Variants in FER1L6 observed in about 807,000 individuals in gnomAD.
The protein encoded by FER1L6 is fer-1-like protein 6.
In FER1L6, 177 loss-of-function variants were observed where a neutral mutation model predicts 219.2. The ratio of observed to expected loss-of-function variants is 0.81; its 90% CI spans 0.71 to 0.91. The LOEUF (loss-of-function observed/expected upper bound fraction) is 0.91, where lower values mean the gene tolerates loss of function less well. FER1L6 is among the 40% of genes least tolerant of loss of function. FER1L6 has a pLI of 0.00. For missense variants in FER1L6, 2,153 were observed against 2,259.9 expected, an observed-to-expected ratio of 0.95 and a Z score of 0.96; for synonymous variants, 768 against 824.3, an observed-to-expected ratio of 0.93 and a Z score of 1.17.
At chr8:123,892,500 C>T (rs1202473325) in intron 1 of FER1L6, among the ~76,000 whole-genome samples, 1 of 152,124 alleles carries the variant, frequency 6.6e-6, no homozygotes, top group Non-Finnish European at 1.5e-5. Flanking sequence ...ACTGCATTGG[C>T]CAGGCTGGTT....
chr8:124,101,419 A>G lies in FER1L6; in HGVS notation c.5125+81A>G. On this transcript the variant is annotated intron_variant, in intron 38 of 40. Coordinates refer to ENST00000522917, the MANE Select transcript of FER1L6 (RefSeq NM_001039112.2). ...TTGGAGAGCTTGGTCTGATTTAGTT[A>G]CAAGACTAATAATTTCAGCACTATC... 4.6e-6 allele frequency: 6 copies of G among 1,316,356 alleles called. No individual in the cohort carries two copies. The South Asian group carries it at 8.3e-5, about 18-fold the overall frequency. 81.5% of individuals were successfully genotyped at this position (1,316,356 alleles called of 1,614,324 possible).
At chr8:123,901,937 G>T (rs1377403053) in intron 1 of FER1L6, among the ~76,000 whole-genome samples, 2 of 151,922 alleles carry the variant, frequency 1.3e-5, no homozygotes, top group Admixed American at 6.6e-5. Flanking sequence ...AGCCAGGAGG[G>T]TCTCAATCTC....
At chr8:123,947,995 C>T (rs1361769064) in intron 1 of FER1L6, among the ~76,000 whole-genome samples, 1 of 152,146 alleles carries the variant, frequency 6.6e-6, no homozygotes, top group Admixed American at 6.6e-5. Flanking sequence ...GGCTGGAGTA[C>T]ATGGTTTGAG....
intron 1 of FER1L6, among the ~76,000 whole-genome samples, chr8:123,863,767 T>C (rs1391319725): frequency 6.7e-6 from 1 of 148,732 alleles, no homozygotes; most frequent in Non-Finnish European, 1.5e-5. Context: ...TCTTTGTTGG[T>C]TTAAAGTCTG....
intron 1 of FER1L6, among the ~76,000 whole-genome samples, chr8:123,932,908 A>G (rs561186479): frequency 3.3e-5 from 5 of 152,332 alleles, no homozygotes; most frequent in African/African-American, 1.2e-4. Flanking sequence ...GTGCTAGTAG[A>G]GGAGACAGAC....
intron 7 of FER1L6, 135 bp downstream of exon 7, chr8:123,973,647 A>C: frequency 2.8e-6 from 2 of 708,342 alleles, no homozygotes; most frequent in Non-Finnish European, 2.6e-6. Flanking sequence ...AAGTTGAATG[A>C]GACATAACTC....
At chr8:124,029,349 C>T (rs1440826554) in intron 18 of FER1L6, among the ~76,000 whole-genome samples, 7 of 152,156 alleles carry the variant, frequency 4.6e-5, no homozygotes, top group Admixed American at 3.9e-4. Flanking sequence ...CTTGAGGAAT[C>T]GCCACACTGT....
rs190228576 is a variant in FER1L6, at chr8:123,918,791, C to T, written c.-7-37201C>T. Among the ~76,000 whole-genome samples, 93 of 152,198 alleles carry T rather than the reference C, an allele frequency of 6.1e-4. 1 individual carries two copies. Among genetic ancestry groups the T allele is most frequent in the African/African-American group, 2.1e-3 (86 of 41,500 alleles). On this transcript the variant is annotated intron_variant, in intron 1 of 40. Coordinates refer to ENST00000522917, the MANE Select transcript of FER1L6 (RefSeq NM_001039112.2). ...TTGGCGTTCTTAAGAATAGCCTGGACGGCATCAGATAGGGGATTTCTGGGA... is the reference window on the plus strand; with the variant it reads ...TTGGCGTTCTTAAGAATAGCCTGGATGGCATCAGATAGGGGATTTCTGGGA...
chr8:124,112,887 A>G (rs1218301134), intron 39 of FER1L6, among the ~76,000 whole-genome samples: 4 of 152,226 alleles, frequency 2.6e-5, no homozygotes, highest in Admixed American at 2.6e-4. Context: ...GATAGGGTGT[A>G]TAATGTGAAT....
At position 123,998,373 on chromosome 8, in the gene FER1L6, A is replaced by ACTCTCTCTCTCTCTCTCT. The variant is rs746709688; in HGVS notation, c.1520-4759_1520-4742dup. ...CTTAGTTTCCCTCAAAAAGAGGGAA[A>ACTCTCTCTCTCTCTCTCT]CTCTCTCTCTCTCTCTCTCTCTCTC... is the stretch of plus-strand genomic sequence containing the variant. On this transcript the variant is annotated intron_variant, in intron 12 of 40. Coordinates refer to ENST00000522917, the MANE Select transcript of FER1L6 (RefSeq NM_001039112.2). Among the ~76,000 whole-genome samples, 33 of 32,476 alleles carry ACTCTCTCTCTCTCTCTCT rather than the reference A, an allele frequency of 1.0e-3. 3 individuals are homozygous for ACTCTCTCTCTCTCTCTCT. The highest frequency in any genetic ancestry group is 1.3e-3 in the East Asian group (2 of 1,492). The allele number at this position is 32,476 out of a possible 152,430, so 21.3% of individuals were successfully genotyped here.
At chr8:123,862,714 G>T (rs1254949360) in intron 1 of FER1L6, among the ~76,000 whole-genome samples, 1 of 134,680 alleles carries the variant, frequency 7.4e-6, no homozygotes, top group Non-Finnish European at 1.6e-5. Context: ...TTGGGAGAGT[G>T]TATGTGTCGA....
At chr8:124,072,732 G>C (rs1821126414) in intron 31 of FER1L6, among the ~76,000 whole-genome samples, 2 of 152,202 alleles carry the variant, frequency 1.3e-5, no homozygotes. Flanking sequence ...GGAAGTCACA[G>C]TGTAGTTGGA....
intron 1 of FER1L6, among the ~76,000 whole-genome samples, chr8:123,880,333 C>T (rs1172933926): frequency 2.0e-5 from 3 of 152,164 alleles, no homozygotes; most frequent in South Asian, 2.1e-4. Context: ...ACTGGCAATC[C>T]ACAGGAACTG....
At chr8:124,038,159 T>C (rs1322759419) in intron 19 of FER1L6, among the ~76,000 whole-genome samples, 5 of 152,212 alleles carry the variant, frequency 3.3e-5, no homozygotes, top group African/African-American at 1.2e-4. Context: ...CCATGTGGCC[T>C]AGTGTTTTTG....
At chr8:124,003,543 C>T (rs1665736353) in intron 13 of FER1L6, among the ~76,000 whole-genome samples, 196 bp downstream of exon 13, 1 of 136,098 alleles carries the variant, frequency 7.3e-6, no homozygotes. Context: ...GATCTCAGCT[C>T]ACTGCAACCT....
At chr8:124,010,784 A>G (rs1817886040) in intron 14 of FER1L6, 70 bp downstream of exon 14, 5 of 1,576,472 alleles carry the variant, frequency 3.2e-6, no homozygotes, top group Non-Finnish European at 4.3e-6. Flanking sequence ...TTTAAAATCC[A>G]CCTAGTAGAG....
intron 1 of FER1L6, among the ~76,000 whole-genome samples, chr8:123,882,386 T>C (rs1263917121): frequency 6.6e-6 from 1 of 152,162 alleles, no homozygotes; most frequent in Non-Finnish European, 1.5e-5. Flanking sequence ...TAGTGAAGAA[T>C]AGAGTTAGGG....
At chr8:124,092,927 C>G (rs1822105966) in intron 34 of FER1L6, among the ~76,000 whole-genome samples, 1 of 150,462 alleles carries the variant, frequency 6.6e-6, no homozygotes. Flanking sequence ...ATGATCTAGG[C>G]TCACTGCAAC....
chr8:123,931,297 G>A (rs540304023), intron 1 of FER1L6, among the ~76,000 whole-genome samples: 19 of 152,244 alleles, frequency 1.2e-4, no homozygotes, highest in Middle Eastern at 3.4e-3. Flanking sequence ...CTTCTTCCAC[G>A]GAGACTGGTA....
Sources: allele counts gnomAD v4.1 joint callset (sites outside exome capture counted in the v4.1 genomes callset), GRCh38; gene constraint gnomAD v4.1.1; transcripts MANE v1.5; gene names NCBI Gene and HGNC (gene_info 2026-07-23, HGNC 2026-07-21).